The following SYT1 variants were observed in gnomAD, a reference collection of about 807,000 sequenced individuals.
The protein encoded by SYT1 is synaptotagmin 1.
A neutral mutation model predicts 44.8 loss-of-function variants in SYT1; 8 were observed. The observed-to-expected ratio is 0.18, with a 90% CI of 0.10 to 0.32. The LOEUF is 0.32. SYT1 is among the 10% of genes least tolerant of loss of function. The probability of loss-of-function intolerance (pLI) is 1.00; values close to 1 mark genes in which losing one functional copy is unlikely to be tolerated. For synonymous variants in SYT1, 154 were observed against 188.8 expected, an observed-to-expected ratio of 0.82 and a Z score of 1.51; for missense variants, 286 against 509.3, an observed-to-expected ratio of 0.56 and a Z score of 4.22.
At chr12:78,973,393 C>T (rs1207070522) in intron 1 of SYT1, among the ~76,000 whole-genome samples, 1 of 152,022 alleles carries the variant, frequency 6.6e-6, no homozygotes, top group African/African-American at 2.4e-5. Flanking sequence ...TCAACATCTC[C>T]CCAGCCCAAC....
chr12:79,064,207 G>A (rs369598269), intron 3 of SYT1, among the ~76,000 whole-genome samples: 59 of 152,010 alleles, frequency 3.9e-4, no homozygotes, highest in African/African-American at 5.6e-4. Flanking sequence ...AGGGAATGTA[G>A]GAATGAGAGA....
At chr12:79,267,591 A>G (rs1221444333) in intron 4 of SYT1, among the ~76,000 whole-genome samples, 1 of 152,256 alleles carries the variant, frequency 6.6e-6, no homozygotes, top group African/African-American at 2.4e-5. Context: ...AGACATACTG[A>G]AAATTTCATA....
intron 3 of SYT1, among the ~76,000 whole-genome samples, chr12:79,153,113 C>G (rs565760231): frequency 1.3e-5 from 2 of 152,030 alleles, no homozygotes; most frequent in African/African-American, 4.8e-5. Context: ...GCATTAAACT[C>G]AAAAGGAACC....
chr12:79,346,922 A>G lies in SYT1; in HGVS notation c.811-6580A>G, dbSNP rs369585940. On this transcript the variant is annotated intron_variant, in intron 8 of 10. Coordinates refer to ENST00000261205, the MANE Select transcript of SYT1 (RefSeq NM_005639.3). Reference sequence around the variant, plus strand: ...GAGTTGAGCTCACGTGTAAGAAATAAATAGGGAAAAAGTAATCTCGAGGCA... The same window carrying G: ...GAGTTGAGCTCACGTGTAAGAAATAGATAGGGAAAAAGTAATCTCGAGGCA... Among the ~76,000 whole-genome samples, 13 of 152,318 alleles carry G rather than the reference A, an allele frequency of 8.5e-5. No individual in the cohort carries two copies. In the East Asian group the frequency reaches 1.7e-3, roughly 20 times the overall value.
chr12:79,209,902 A>G (rs912686612), intron 3 of SYT1, among the ~76,000 whole-genome samples: 6 of 152,206 alleles, frequency 3.9e-5, no homozygotes, highest in African/African-American at 1.4e-4. Flanking sequence ...TCCAAGAGTT[A>G]GTTTCAATAT....
intron 3 of SYT1, among the ~76,000 whole-genome samples, chr12:79,055,761 AATT>A (rs1874885595): frequency 6.6e-6 from 1 of 152,018 alleles, no homozygotes; most frequent in South Asian, 2.1e-4. Flanking sequence ...CATAAGTAAA[AATT>A]ATTGTTGTTA....
chr12:79,252,205 G>A (rs1877258270), intron 4 of SYT1, among the ~76,000 whole-genome samples: 1 of 151,996 alleles, frequency 6.6e-6, no homozygotes, highest in Admixed American at 6.6e-5. Context: ...TTTCATCAGA[G>A]AAATGAGAAT....
chr12:79,074,607 AT>A (rs1015221526), intron 3 of SYT1, among the ~76,000 whole-genome samples: 5 of 152,110 alleles, frequency 3.3e-5, no homozygotes, highest in African/African-American at 1.2e-4. Context: ...ATCATCCTTC[AT>A]TCTTGAGTTT....
intron 7 of SYT1, among the ~76,000 whole-genome samples, chr12:79,298,408 G>C (rs1017448667): frequency 6.6e-6 from 1 of 152,108 alleles, no homozygotes; most frequent in Non-Finnish European, 1.5e-5. Flanking sequence ...CTTGTATGTA[G>C]ATGGCCCAAT....
chr12:79,438,276 G>T (rs1277662615), intron 9 of SYT1, among the ~76,000 whole-genome samples: 1 of 152,106 alleles, frequency 6.6e-6, no homozygotes, highest in Non-Finnish European at 1.5e-5. Context: ...CCAAAAAAAA[G>T]ATGGCAGATT....
chr12:79,349,181 AGGGAAGGAAGGAAG>A (rs1309100974), intron 8 of SYT1, among the ~76,000 whole-genome samples: 1 of 151,282 alleles, frequency 6.6e-6, no homozygotes, highest in Non-Finnish European at 1.5e-5. Flanking sequence ...GAAGGGACGG[AGGGAAGGAAGGAAG>A]GGGAAGGAAG....
At chr12:79,309,993 T>C (rs1880688379) in intron 8 of SYT1, among the ~76,000 whole-genome samples, 1 of 152,180 alleles carries the variant, frequency 6.6e-6, no homozygotes, top group African/African-American at 2.4e-5. Context: ...GGTAGTTTCT[T>C]TTGCTGTGCA....
intron 8 of SYT1, among the ~76,000 whole-genome samples, chr12:79,340,774 G>C (rs1882332759): frequency 6.6e-6 from 1 of 152,126 alleles, no homozygotes. Flanking sequence ...GACCCATAGA[G>C]ATCTAAAGCT....
At chr12:78,869,972 T>A (rs1873735195) in intron 1 of SYT1, among the ~76,000 whole-genome samples, 1 of 152,126 alleles carries the variant, frequency 6.6e-6, no homozygotes, top group South Asian at 2.1e-4. Context: ...AAAGGCATTT[T>A]GTTAAAGAGG....
At chr12:78,872,945 G>T (rs1267817620) in intron 1 of SYT1, among the ~76,000 whole-genome samples, 2 of 151,650 alleles carry the variant, frequency 1.3e-5, no homozygotes, top group African/African-American at 4.8e-5. Context: ...GTAACTTTTT[G>T]CAGAGAGACA....
intron 9 of SYT1, among the ~76,000 whole-genome samples, chr12:79,367,037 C>T (rs1056817757): frequency 1.3e-5 from 2 of 151,838 alleles, no homozygotes. Context: ...AATCCTCCTC[C>T]CATCTCCTGT....
At chr12:78,989,699 T>C (rs1869890018) in intron 2 of SYT1, among the ~76,000 whole-genome samples, 1 of 152,128 alleles carries the variant, frequency 6.6e-6, no homozygotes, top group Non-Finnish European at 1.5e-5. Context: ...CCCATCCCTA[T>C]ACCATCCTTT....
chr12:79,438,361 G>C lies in SYT1; in HGVS notation c.929-5712G>C, dbSNP rs117026809. Among the ~76,000 whole-genome samples, 91 of 152,328 alleles carry C rather than the reference G, an allele frequency of 6.0e-4. 1 individual carries two copies. Among genetic ancestry groups the C allele is most frequent in the African/African-American group, 2.0e-3 (82 of 41,576 alleles). On this transcript the variant is annotated intron_variant, in intron 9 of 10. Transcript: ENST00000261205. The stretch of plus-strand genomic sequence containing the variant: ...CCTGAAGGACTAGGTGGAGGTGATA[G>C]TTCATGCCACCTAGAGCTAGATATT...
chr12:79,083,121 T>A (rs1389069895), intron 3 of SYT1, among the ~76,000 whole-genome samples: 1 of 151,982 alleles, frequency 6.6e-6, no homozygotes, highest in Admixed American at 6.6e-5. Flanking sequence ...AGGTAAAAGA[T>A]AACATCAGAT....
Sources: allele counts gnomAD v4.1 joint callset (sites outside exome capture counted in the v4.1 genomes callset), GRCh38; gene constraint gnomAD v4.1.1; transcripts MANE v1.5; gene names NCBI Gene and HGNC (gene_info 2026-07-23, HGNC 2026-07-21).